Variants in CHN2 observed in about 807,000 individuals in gnomAD.
The protein encoded by CHN2 is chimerin 2.
Under a neutral mutation model 56.3 loss-of-function variants are expected in CHN2, and 35 were observed. That is an observed-to-expected ratio of 0.62 (90% confidence interval 0.47 to 0.82). CHN2 has a LOEUF of 0.82. Among genes scored for constraint, CHN2 ranks in the 40% least tolerant of loss-of-function variants. The pLI is 0.00. For missense variants in CHN2, 491 were observed against 580.5 expected (o/e 0.85, Z 1.58); for synonymous variants, 210 against 212.8 (o/e 0.99, Z 0.12).
chr7:29,238,942 T>G (rs574414776), intron 1 of CHN2, among the ~76,000 whole-genome samples: 22 of 152,284 alleles, frequency 1.4e-4, no homozygotes, highest in Non-Finnish European at 4.4e-5. Flanking sequence ...GAGAGGGTGG[T>G]TCATAGATCT....
intron 1 of CHN2, among the ~76,000 whole-genome samples, chr7:29,341,440 C>T (rs1327632092): frequency 6.6e-6 from 1 of 152,086 alleles, no homozygotes; most frequent in Non-Finnish European, 1.5e-5. Flanking sequence ...ATCAGAGAGC[C>T]CATTTGTTGC....
At chr7:29,318,847 T>C (rs1229240187) in intron 1 of CHN2, among the ~76,000 whole-genome samples, 2 of 152,174 alleles carry the variant, frequency 1.3e-5, no homozygotes, top group Admixed American at 6.5e-5. Flanking sequence ...AAGAATCTCA[T>C]CTTCCCATGA....
At chr7:29,225,464 CTG>C (rs974765627) in intron 1 of CHN2, among the ~76,000 whole-genome samples, 1 of 152,176 alleles carries the variant, frequency 6.6e-6, no homozygotes, top group Non-Finnish European at 1.5e-5. Flanking sequence ...ATATGAAAAA[CTG>C]TGTGCAAATG....
intron 9 of CHN2, among the ~76,000 whole-genome samples, chr7:29,504,409 G>A (rs530431820): frequency 1.6e-4 from 24 of 152,234 alleles, no homozygotes; most frequent in African/African-American, 5.1e-4. Context: ...CTACGATGAC[G>A]AAATTCATGT....
rs140214483 is a variant in CHN2, at chr7:29,359,472, G to A, written c.88+4809G>A. ...GAGTTGGGCCACTAAGATGGATAAG[G>A]TCGGCTGTTGACTCAAGGAACGGTG... On this transcript the variant is annotated intron_variant, in intron 2 of 12. Coordinates refer to ENST00000222792, the MANE Select transcript of CHN2 (RefSeq NM_004067.4). Among the ~76,000 whole-genome samples the A allele has an allele frequency of 1.8e-3, 280 of 152,238 alleles. 4 individuals carry two copies. Among genetic ancestry groups the A allele is most frequent in the Admixed American group, 0.012 (181 of 15,298 alleles).
intron 1 of CHN2, among the ~76,000 whole-genome samples, chr7:29,288,478 C>T (rs1792330185): frequency 6.6e-6 from 1 of 152,164 alleles, no homozygotes; most frequent in Non-Finnish European, 1.5e-5. Context: ...GGGTTACTCC[C>T]ATCTCTTTTC....
intron 1 of CHN2, among the ~76,000 whole-genome samples, chr7:29,331,023 T>C (rs1397918253): frequency 6.6e-6 from 1 of 152,144 alleles, no homozygotes; most frequent in Non-Finnish European, 1.5e-5. Context: ...GAGACAGAGT[T>C]ATGGAAAATG....
chr7:29,241,401 G>T (rs1465538751), intron 1 of CHN2, among the ~76,000 whole-genome samples: 1 of 152,060 alleles, frequency 6.6e-6, no homozygotes, highest in East Asian at 1.9e-4. Flanking sequence ...AAAGAGTGGG[G>T]GCCAGGCTCC....
At chr7:29,498,634 GTTA>G (rs1359739603) in intron 8 of CHN2, among the ~76,000 whole-genome samples, 2 of 151,834 alleles carry the variant, frequency 1.3e-5, no homozygotes, top group African/African-American at 4.8e-5. Context: ...GCACGTGTGT[GTTA>G]TTCTTTGTGC....
intron 1 of CHN2, among the ~76,000 whole-genome samples, chr7:29,254,862 T>C (rs575647486): frequency 6.6e-6 from 1 of 152,286 alleles, no homozygotes; most frequent in East Asian, 1.9e-4. Flanking sequence ...TTTTTAGCTT[T>C]CCAGTTTCTG....
chr7:29,325,324 CA>C (rs1390272094), intron 1 of CHN2, among the ~76,000 whole-genome samples: 1 of 152,198 alleles, frequency 6.6e-6, no homozygotes, highest in African/African-American at 2.4e-5. Flanking sequence ...TCATTTGGAG[CA>C]GTAGATGTTT....
chr7:29,211,370 G>A (rs909889624), intron 1 of CHN2, among the ~76,000 whole-genome samples: 5 of 151,644 alleles, frequency 3.3e-5, no homozygotes, highest in South Asian at 2.1e-4. Flanking sequence ...GAGCCACCGC[G>A]CCCGGCCCTG....
intron 3 of CHN2, among the ~76,000 whole-genome samples, chr7:29,392,911 A>G (rs937746064): frequency 1.4e-4 from 22 of 152,258 alleles, no homozygotes; most frequent in African/African-American, 5.3e-4. Context: ...CAATGTTTTG[A>G]GTGTCCCTGG....
At chr7:29,275,503 TA>T (rs1422799961) in intron 1 of CHN2, among the ~76,000 whole-genome samples, 1 of 152,204 alleles carries the variant, frequency 6.6e-6, no homozygotes, top group Non-Finnish European at 1.5e-5. Flanking sequence ...GCAGTAATTT[TA>T]AAATAAATGA....
upstream of CHN2, among the ~76,000 whole-genome samples, chr7:29,190,267 C>T (rs116209694): frequency 0.012 from 1,862 of 152,304 alleles, 34 homozygotes; most frequent in African/African-American, 0.04. Flanking sequence ...CGGTAGAGTA[C>T]TTGCCATAAA....
chr7:29,425,948 C>T (rs554105744), intron 6 of CHN2, among the ~76,000 whole-genome samples: 1 of 151,976 alleles, frequency 6.6e-6, no homozygotes, highest in Admixed American at 6.6e-5. Flanking sequence ...TGGTAGCTTA[C>T]ACCTGTAATC....
intron 6 of CHN2, among the ~76,000 whole-genome samples, chr7:29,435,328 T>C (rs777941395): frequency 5.9e-5 from 9 of 152,342 alleles, no homozygotes; most frequent in Non-Finnish European, 1.3e-4. Context: ...ATGCAAATAC[T>C]TGGGTCCCAG....
At position 29,311,633 on chromosome 7, in the gene CHN2, C is replaced by T. The variant is rs779848640; in HGVS notation, c.50-42992C>T. On this transcript the variant is annotated intron_variant, in intron 1 of 12. Coordinates refer to ENST00000222792, the MANE Select transcript of CHN2 (RefSeq NM_004067.4). ...CTATGCTGAGCATATATATCTGCTG[C>T]TGCTTCTCATATTTCTAAGGTCTTT... Among the ~76,000 whole-genome samples, 57 of 152,332 alleles carry T rather than the reference C, an allele frequency of 3.7e-4. 1 individual carries two copies. Among genetic ancestry groups the T allele is most frequent in the Non-Finnish European group, 7.3e-4 (50 of 68,030 alleles).
chr7:29,465,171 G>C (rs1356443357), intron 6 of CHN2, among the ~76,000 whole-genome samples: 1 of 152,142 alleles, frequency 6.6e-6, no homozygotes, highest in African/African-American at 2.4e-5. Flanking sequence ...ACTGCCATTT[G>C]TGATTAAAAT....
Sources: gnomAD v4.1 joint callset for allele counts (sites outside exome capture counted in the v4.1 genomes callset) on GRCh38, gnomAD v4.1.1 for gene constraint, MANE v1.5 for transcripts, NCBI Gene and HGNC (gene_info 2026-07-23, HGNC 2026-07-21) for gene names.